The following PRKAA2 variants were observed in gnomAD, a reference collection of about 807,000 sequenced individuals.
PRKAA2 encodes the protein protein kinase AMP-activated catalytic subunit alpha 2, also known as 5'-AMP-activated protein kinase catalytic subunit alpha-2.
A neutral mutation model predicts 56.3 loss-of-function variants in PRKAA2; 40 were observed. The observed-to-expected ratio is 0.71, with a 90% CI of 0.55 to 0.92. The LOEUF is 0.92. PRKAA2 is among the 40% of genes least tolerant of loss of function. PRKAA2 has a pLI of 0.00. For missense variants in PRKAA2, 542 were observed against 686.9 expected (o/e 0.79, Z 2.36); for synonymous variants, 214 against 234.2 (o/e 0.91, Z 0.79).
Position 56,707,523 on chromosome 1 carries a change from G to A in PRKAA2, c.1469G>A (p.Cys490Tyr), listed in dbSNP as rs199623319. ...GGTTCCTCAACACCTCAGCGTTCCT[G>A]TTCTGCTGCTGGCTTACACAGACCA... ...RSGSSTPQRSCSAAGLHRPRS... is the reference protein window; with the variant it reads ...RSGSSTPQRSYSAAGLHRPRS... Residue 490 changes from cysteine to tyrosine, a missense_variant, in exon 9 of 9, where the codon TGT becomes TAT. Cys to Tyr is a radical substitution (Grantham distance 194). Transcript: ENST00000371244. The A allele has an allele frequency of 3.7e-6, 6 of 1,614,162 alleles. No homozygotes were observed. The highest frequency in any genetic ancestry group is 2.2e-5 in the East Asian group (1 of 44,866).
intron 2 of PRKAA2, among the ~76,000 whole-genome samples, chr1:56,678,264 A>G (rs538067809): frequency 2.0e-4 from 31 of 152,372 alleles, no homozygotes; most frequent in African/African-American, 6.3e-4. Context: ...TATTTTTGCT[A>G]CAGAAGAAGC....
intron 1 of PRKAA2, among the ~76,000 whole-genome samples, chr1:56,648,896 A>G (rs1212014514): frequency 2.0e-5 from 3 of 152,068 alleles, no homozygotes; most frequent in African/African-American, 7.2e-5. Context: ...TTATTTTCTA[A>G]TTGGGTTACT....
chr1:56,690,628 T>C (rs1644223050), intron 2 of PRKAA2, among the ~76,000 whole-genome samples: 1 of 152,092 alleles, frequency 6.6e-6, no homozygotes, highest in Non-Finnish European at 1.5e-5. Flanking sequence ...CTTAAGTTAC[T>C]TTTAACGTAT....
intron 1 of PRKAA2, among the ~76,000 whole-genome samples, chr1:56,661,278 C>T (rs1569721902): frequency 2.0e-5 from 3 of 152,200 alleles, no homozygotes; most frequent in Admixed American, 2.0e-4. Flanking sequence ...ACAAACTGAA[C>T]ACATCCACGT....
chr1:56,692,376 A>G lies in PRKAA2; in HGVS notation c.349A>G (p.Arg117Gly). Reference sequence around the variant, plus strand: ...TTGATAGGTTGAAGAGATGGAAGCCAGGCGGCTCTTTCAGCAGATTCTGTC... The same window carrying G: ...TTGATAGGTTGAAGAGATGGAAGCCGGGCGGCTCTTTCAGCAGATTCTGTC... The part of the protein sequence containing the change: ...KHGRVEEMEA[R>G]RLFQQILSAV... Residue 117 changes from arginine (R) to glycine (G), a missense_variant, in exon 4 of 9, where the codon AGG (arginine) becomes GGG (glycine). Arg to Gly is a moderately radical substitution (Grantham distance 125, BLOSUM62 -2). Transcript: ENST00000371244. 1 of 1,614,096 alleles carries G rather than the reference A, an allele frequency of 6.2e-7. No individual in the cohort carries two copies. Among genetic ancestry groups the G allele is most frequent in the Middle Eastern group, 1.7e-4 (1 of 6,060 alleles).
chr1:56,655,030 C>T (rs1034438735), intron 1 of PRKAA2, among the ~76,000 whole-genome samples: 9 of 151,096 alleles, frequency 6.0e-5, no homozygotes, highest in African/African-American at 1.9e-4. Context: ...ATTATATATA[C>T]TATTAAAACA....
rs770561050 is a variant in PRKAA2 at position 56,692,487 on chromosome 1, A to G, written c.460A>G (p.Lys154Glu). ...CCTGTTGGATGCACACATGAATGCCAAGATAGCCGATTTCGGTATGTAACT... is the reference window on the plus strand; with the variant it reads ...CCTGTTGGATGCACACATGAATGCCGAGATAGCCGATTTCGGTATGTAACT... ...NVLLDAHMNA[K>E]IADFGLSNMM... is the part of the protein sequence containing the mutation. Residue 154 changes from lysine to glutamate, a missense_variant, in exon 4 of 9, where the codon AAG (lysine) becomes GAG (glutamate). Physicochemically the swap from Lys to Glu is moderately conservative, Grantham distance 56. Around this residue, in one of 5 missense-constraint regions of PRKAA2, gnomAD observed 121 missense variants for 210.0 expected, o/e 0.58. Transcript: ENST00000371244. 1 of 1,613,958 alleles carries G rather than the reference A, an allele frequency of 6.2e-7. No homozygotes were observed. Among genetic ancestry groups the G allele is most frequent in the Non-Finnish European group, 8.5e-7 (1 of 1,179,936 alleles).
chr1:56,693,723 TA>T, intron 4 of PRKAA2, 41 bp from the exon 5 acceptor site: 1 of 1,391,938 alleles, frequency 7.2e-7, no homozygotes, highest in Non-Finnish European at 9.9e-7. Flanking sequence ...TATCTACTTT[TA>T]AAAATATCTA....
At chr1:56,700,278 C>T (rs1227556947) in intron 6 of PRKAA2, among the ~76,000 whole-genome samples, 3 of 152,174 alleles carry the variant, frequency 2.0e-5, no homozygotes, top group African/African-American at 7.2e-5. Context: ...ATGCCCTGAT[C>T]TAATAAGTCT....
intron 2 of PRKAA2, among the ~76,000 whole-genome samples, chr1:56,689,719 CAAACAAAAGAAAA>C (rs918590927): frequency 2.0e-5 from 3 of 151,782 alleles, no homozygotes; most frequent in African/African-American, 7.3e-5. Context: ...GACTCTGTCT[CAAACAAAAGAAAA>C]AAAGTAACTA....
intron 1 of PRKAA2, among the ~76,000 whole-genome samples, chr1:56,655,075 T>A (rs1643929211): frequency 1.3e-5 from 2 of 151,272 alleles, no homozygotes; most frequent in Non-Finnish European, 3.0e-5. Context: ...TCTCAGTTTC[T>A]AAATTATAAA....
At chr1:56,699,031 C>T (rs1644276849) in intron 6 of PRKAA2, among the ~76,000 whole-genome samples, 1 of 152,108 alleles carries the variant, frequency 6.6e-6, no homozygotes, top group African/African-American at 2.4e-5. Flanking sequence ...CTATGTGCAA[C>T]TTAGTTACTT....
chr1:56,652,999 G>T (rs1181151314), intron 1 of PRKAA2, among the ~76,000 whole-genome samples: 2 of 151,964 alleles, frequency 1.3e-5, no homozygotes, highest in Non-Finnish European at 2.9e-5. Flanking sequence ...CATGTAATTT[G>T]CTTTTTCCCA....
intron 2 of PRKAA2, among the ~76,000 whole-genome samples, chr1:56,686,278 T>A (rs566549316): frequency 6.6e-6 from 1 of 152,314 alleles, no homozygotes; most frequent in South Asian, 2.1e-4. Context: ...TCTAAAGATT[T>A]TAGCATTGCC....
Position 56,706,293 on chromosome 1 carries a change from C to T in PRKAA2, c.1420+75C>T, listed in dbSNP as rs926254237. On this transcript the variant is annotated intron_variant, in intron 8 of 8. Transcript: ENST00000371244. ...AGTTGACCAGATGTTAAAATCATCT[C>T]GAAGACATCCGGTGGGTAGGTCCTG... 37 of 1,530,734 alleles carry T rather than the reference C, an allele frequency of 2.4e-5. 1 individual carries two copies. The highest frequency in any genetic ancestry group is 3.5e-4 in the Middle Eastern group (2 of 5,774). The allele number at this position is 1,530,734 out of a possible 1,614,324, so 94.8% of individuals were successfully genotyped here.
intron 2 of PRKAA2, among the ~76,000 whole-genome samples, chr1:56,686,756 C>A (rs2100418526): frequency 6.6e-6 from 1 of 152,260 alleles, no homozygotes; most frequent in East Asian, 1.9e-4. Context: ...AATCACCTCC[C>A]ACCAGTCCCC....
chr1:56,650,335 G>C (rs559164736), intron 1 of PRKAA2, among the ~76,000 whole-genome samples: 17 of 152,226 alleles, frequency 1.1e-4, no homozygotes, highest in Non-Finnish European at 1.9e-4. Flanking sequence ...ACTGTTTTTG[G>C]AAACAGATTA....
Position 56,692,399 on chromosome 1 carries a change from G to T in PRKAA2, c.372G>T (p.Leu124=), listed in dbSNP as rs751771739. ...CCAGGCGGCTCTTTCAGCAGATTCT[G>T]TCTGCTGTGGATTACTGTCATAGGC... ...MEARRLFQQI[L]SAVDYCHRHM... Residue 124 remains leucine, a synonymous_variant, in exon 4 of 9, where the codon CTG becomes CTT. Coordinates refer to ENST00000371244, the MANE Select transcript of PRKAA2 (RefSeq NM_006252.4). 9 of 1,613,776 alleles carry T rather than the reference G, an allele frequency of 5.6e-6. No homozygotes were observed. Among genetic ancestry groups the T allele is most frequent in the Non-Finnish European group, 7.6e-6 (9 of 1,179,824 alleles).
At chr1:56,658,932 C>T (rs1435425383) in intron 1 of PRKAA2, among the ~76,000 whole-genome samples, 8 of 151,524 alleles carry the variant, frequency 5.3e-5, no homozygotes, top group African/African-American at 1.9e-4. Context: ...GTGGCTGGGA[C>T]TACAGGCGAG....
Sources: gnomAD v4.1 joint callset for allele counts (sites outside exome capture counted in the v4.1 genomes callset) on GRCh38, gnomAD v4.1.1 for gene constraint, gnomAD v4.1.1 regional missense constraint, MANE v1.5 for transcripts, NCBI Gene and HGNC (gene_info 2026-07-23, HGNC 2026-07-21) for gene names.